ARAP1: variants seen among roughly 807,000 people sequenced by gnomAD.
ARAP1 encodes the protein ArfGAP with RhoGAP domain, ankyrin repeat and PH domain 1.
In ARAP1, 76 loss-of-function variants were observed where a neutral mutation model predicts 172.2. That is an observed-to-expected ratio of 0.44 (90% CI 0.37 to 0.53). The LOEUF is 0.53. Among genes scored for constraint, ARAP1 ranks in the 20% least tolerant of loss-of-function variants. The pLI is 0.00. For synonymous variants in ARAP1, 804 were observed against 803.3 expected, an observed-to-expected ratio of 1.00 and a Z score of -0.01; for missense variants, 1,686 against 1,977.5, an observed-to-expected ratio of 0.85 and a Z score of 2.80.
At chr11:72,728,536 A>G (rs575071897) in intron 2 of ARAP1, among the ~76,000 whole-genome samples, 45 of 152,164 alleles carry the variant, frequency 3.0e-4, no homozygotes, top group Non-Finnish European at 6.3e-4. Context: ...AGCCGAGATC[A>G]TGCCACTGCA....
At chr11:72,750,083 C>A (rs949355509) in intron 1 of ARAP1, among the ~76,000 whole-genome samples, 2 of 152,316 alleles carry the variant, frequency 1.3e-5, no homozygotes, top group African/African-American at 2.4e-5. Flanking sequence ...GCCTGTCCCC[C>A]ACCCTTGTTC....
At chr11:72,714,472 C>A (rs1331738382) in intron 3 of ARAP1, 151 bp from the exon 4 acceptor site, 15 of 785,344 alleles carry the variant, frequency 1.9e-5, no homozygotes, top group Non-Finnish European at 2.9e-5. Flanking sequence ...CTCCTCAACT[C>A]ATCTCCCAGA....
In ARAP1 at chr11:72,705,388, T is replaced by C. The variant is rs183590372; in HGVS notation, c.1809+417A>G. On this transcript the variant is annotated intron_variant, in intron 13 of 34. Transcript: ENST00000393609. ...AGGCAGGGATGGTGGTCAATATGCA[T>C]TTACAGGGTAATCTCAGGCAGATTA... The C allele has an allele frequency of 1.8e-4, 29 of 163,540 alleles. No homozygotes were observed. The East Asian group carries it at 4.0e-3, about 23-fold the overall frequency. 10.1% of individuals were successfully genotyped at this position (163,540 alleles called of 1,614,324 possible). A position where few individuals can be genotyped will look rare whatever the true frequency, so the allele number is the denominator to read the frequency against.
At chr11:72,687,292 T>C (rs1273852181) in intron 33 of ARAP1, 147 bp downstream of exon 33, 4 of 1,035,960 alleles carry the variant, frequency 3.9e-6, no homozygotes, top group East Asian at 4.9e-5. Flanking sequence ...GAAGGGTTTA[T>C]TGAATAAACT....
Position 72,697,435 on chromosome 11 carries a change from C to A in ARAP1, c.2841G>T (p.Gly947=). The part of the protein sequence containing the change: ...ERRLDFMGWL[G]AIQKAAASMG... ...TGCTGGCGGCTGCTTTCTGGATGGC[C>A]CCCAGCCAACCCATGAAGTCCAGCC... is the stretch of plus-strand genomic sequence containing the variant. Residue 947 remains glycine (G), a synonymous_variant, in exon 21 of 35, where the codon GGG becomes GGT. Coordinates refer to ENST00000393609, the MANE Select transcript of ARAP1 (RefSeq NM_001040118.3). The A allele has an allele frequency of 6.2e-7, 1 of 1,612,594 alleles. No homozygotes were observed. The highest frequency in any genetic ancestry group is 8.5e-7 in the Non-Finnish European group (1 of 1,179,706).
In ARAP1 at chr11:72,685,692, G is replaced by A; in HGVS notation, c.4336-11C>T. ...GACGTTGCGCAGAAGCTGCAGGAAGGCAAGAGACCCACAGGTATTTTGTGA... is the reference window on the plus strand; with the variant it reads ...GACGTTGCGCAGAAGCTGCAGGAAGACAAGAGACCCACAGGTATTTTGTGA... On this transcript the variant is annotated splice_polypyrimidine_tract_variant and intron_variant, in intron 34 of 34. Coordinates refer to ENST00000393609, the MANE Select transcript of ARAP1 (RefSeq NM_001040118.3). 6.2e-7 allele frequency: 1 copy of A among 1,614,008 alleles called. No individual in the cohort carries two copies. The highest frequency in any genetic ancestry group is 1.3e-5 in the African/African-American group (1 of 75,044).
intron 3 of ARAP1, among the ~76,000 whole-genome samples, chr11:72,714,783 T>C (rs1857203185): frequency 6.6e-6 from 1 of 152,180 alleles, no homozygotes; most frequent in Non-Finnish European, 1.5e-5. Context: ...CCTAAGGCCC[T>C]GAATTGTGGG....
In ARAP1 at chr11:72,697,582, G is replaced by C; in HGVS notation, c.2789+16C>G. On this transcript the variant is annotated intron_variant, in intron 20 of 34. Coordinates refer to ENST00000393609, the MANE Select transcript of ARAP1 (RefSeq NM_001040118.3). ...CTCCAGCCTTCTCAGAGCCCCTCAGGGAGGCCGTGGCTCACCTCCTTCGCT... is the reference window on the plus strand; with the variant it reads ...CTCCAGCCTTCTCAGAGCCCCTCAGCGAGGCCGTGGCTCACCTCCTTCGCT... 6.2e-7 allele frequency: 1 copy of C among 1,614,014 alleles called. No individual in the cohort carries two copies. Among genetic ancestry groups the C allele is most frequent in the Non-Finnish European group, 8.5e-7 (1 of 1,179,924 alleles).
intron 32 of ARAP1, 86 bp downstream of exon 32, chr11:72,687,602 T>G (rs907813320): frequency 6.2e-7 from 1 of 1,611,948 alleles, no homozygotes; most frequent in Non-Finnish European, 8.5e-7. Flanking sequence ...TGGTCACAGA[T>G]CTGGGCAGTG....
intron 1 of ARAP1, among the ~76,000 whole-genome samples, chr11:72,749,294 T>C (rs976270763): frequency 6.6e-6 from 1 of 152,238 alleles, no homozygotes; most frequent in African/African-American, 2.4e-5. Context: ...CAATGTATTC[T>C]TACACAAGTT....
At chr11:72,712,623 C>A (rs1446387118) in intron 5 of ARAP1, 55 bp from the exon 6 acceptor site, 12 of 1,606,874 alleles carry the variant, frequency 7.5e-6, no homozygotes, top group Non-Finnish European at 1.0e-5. Context: ...AGATCACACC[C>A]ACCCGGGGCT....
Position 72,697,111 on chromosome 11 carries a change from C to T in ARAP1, c.3038G>A (p.Arg1013His). 1 of 1,607,786 alleles carries T rather than the reference C, an allele frequency of 6.2e-7. No individual in the cohort carries two copies. The highest frequency in any genetic ancestry group is 8.5e-7 in the Non-Finnish European group (1 of 1,179,894). ...RLLESLRQDA[R>H]SVHLKEGEQH... ...CTCGCCCTCCTTGAGGTGCACAGAG[C>T]GCGCATCCTGCCGCAGGCTCTCCAG... is the stretch of plus-strand genomic sequence containing the variant. The change falls in exon 22 of 35, where the codon CGC (arginine) becomes CAC (histidine). Residue 1013 changes from arginine (R) to histidine (H), a missense_variant. Physicochemically the swap from Arg to His is conservative, Grantham distance 29. This residue lies in a region of ARAP1 where 274 missense variants were observed against 262.7 expected (regional missense o/e 1.04). Coordinates refer to ENST00000393609, the MANE Select transcript of ARAP1 (RefSeq NM_001040118.3).
At chr11:72,706,232 G>A (rs1856755332) in intron 12 of ARAP1, among the ~76,000 whole-genome samples, 1 of 152,120 alleles carries the variant, frequency 6.6e-6, no homozygotes, top group South Asian at 2.1e-4. Context: ...ACCCTCCAGT[G>A]GCTCCCAGAA....
chr11:72,716,909 G>C (rs751697883), intron 3 of ARAP1, among the ~76,000 whole-genome samples: 2 of 152,212 alleles, frequency 1.3e-5, no homozygotes, highest in Non-Finnish European at 2.9e-5. Flanking sequence ...TGGGAGTCTT[G>C]AGTCGGAACG....
In ARAP1 at chr11:72,726,575, G is replaced by T. The variant is rs777463281; in HGVS notation, c.509+45C>A. ...CACAAACTCCCCATCTACCCTCTGGGATCCTCTGCCTGTGCGCCTCCCACC... is the reference window on the plus strand; with the variant it reads ...CACAAACTCCCCATCTACCCTCTGGTATCCTCTGCCTGTGCGCCTCCCACC... On this transcript the variant is annotated intron_variant, in intron 3 of 34. Transcript: ENST00000393609. The surrounding 1 kb of genome is among the most constrained non-coding windows in gnomAD (Gnocchi z 6.5). 8 of 1,456,068 alleles carry T rather than the reference G, an allele frequency of 5.5e-6. No homozygotes were observed. The East Asian group carries it at 1.2e-4, about 23-fold the overall frequency. 90.2% of individuals were successfully genotyped at this position (1,456,068 alleles called of 1,614,324 possible). A position where few individuals can be genotyped will look rare whatever the true frequency, so the allele number is the denominator to read the frequency against.
intron 14 of ARAP1, among the ~76,000 whole-genome samples, chr11:72,703,610 G>C (rs1488787423): frequency 6.6e-6 from 1 of 152,210 alleles, no homozygotes; most frequent in Non-Finnish European, 1.5e-5. Flanking sequence ...TGCCTGGGAG[G>C]GGCGGTTTGG....
At chr11:72,744,639 C>T (rs768112162) in intron 1 of ARAP1, among the ~76,000 whole-genome samples, 1 of 152,234 alleles carries the variant, frequency 6.6e-6, no homozygotes, top group East Asian at 1.9e-4. Context: ...CCTTGGCCCC[C>T]GAGCCTGAGC....
chr11:72,711,095 A>C lies in ARAP1; in HGVS notation c.1139T>G (p.Val380Gly). 6.2e-7 allele frequency: 1 copy of C among 1,614,228 alleles called. No homozygotes were observed. Among genetic ancestry groups the C allele is most frequent in the Non-Finnish European group, 8.5e-7 (1 of 1,180,052 alleles). Reference protein sequence around the residue: ...RFISVACISHVAAIGDQKFEV... With the variant: ...RFISVACISHGAAIGDQKFEV... ...AAACTTCTGGTCCCCGATGGCAGCC[A>C]CGTGGGAGATGCAGGCCACAGAGAT... Residue 380 changes from valine to glycine, a missense_variant, in exon 9 of 35, where the codon GTG becomes GGG. By Grantham distance (109) the Val-to-Gly change is moderately radical. This residue lies in a region of ARAP1 where 688 missense variants were observed against 856.9 expected (regional missense o/e 0.80). Coordinates refer to ENST00000393609, the MANE Select transcript of ARAP1 (RefSeq NM_001040118.3).
chr11:72,716,244 T>G (rs1857269589), intron 3 of ARAP1, among the ~76,000 whole-genome samples: 1 of 152,152 alleles, frequency 6.6e-6, no homozygotes, highest in Admixed American at 6.5e-5. Flanking sequence ...GTATCTCCTT[T>G]GTGCCAAGAT....
Sources: allele counts gnomAD v4.1 joint callset (sites outside exome capture counted in the v4.1 genomes callset), GRCh38; gene constraint gnomAD v4.1.1; regional missense constraint gnomAD v4.1.1; non-coding constraint Gnocchi (gnomAD v3.1); transcripts MANE v1.5; gene names NCBI Gene and HGNC (gene_info 2026-07-23, HGNC 2026-07-21).